HDAC2: variants seen among roughly 807,000 people sequenced by gnomAD.
The protein encoded by HDAC2 is YY1-associated factor 1.
HDAC2 carries 5 observed loss-of-function variants against 68.5 expected under a neutral mutation model. The ratio of observed to expected loss-of-function variants is 0.07; its 90% CI spans 0.04 to 0.15. HDAC2 has a LOEUF of 0.15. Ranked by LOEUF, HDAC2 falls within the 10% of genes least tolerant of loss-of-function variation. The pLI is 1.00. For synonymous variants in HDAC2, 182 were observed against 191.3 expected, an observed-to-expected ratio of 0.95 and a Z score of 0.40; for missense variants, 291 against 600.8, an observed-to-expected ratio of 0.48 and a Z score of 5.39.
intron 1 of HDAC2, among the ~76,000 whole-genome samples, chr6:113,965,622 C>T (rs776253516): frequency 1.2e-4 from 18 of 152,202 alleles, no homozygotes; most frequent in African/African-American, 3.9e-4. Flanking sequence ...CTGCCCGCCT[C>T]GGCTTCCCAA....
At chr6:113,955,959 G>A in intron 5 of HDAC2, 54 bp downstream of exon 5, 2 of 1,340,896 alleles carry the variant, frequency 1.5e-6, no homozygotes, top group Non-Finnish European at 1.0e-6. Flanking sequence ...TATTTATTGT[G>A]TTTTAATGAA....
Position 113,937,486 on chromosome 6 carries a change from A to G in HDAC2, c.*3572T>C, listed in dbSNP as rs533555080. 6.6e-6 allele frequency: 1 copy of G among 152,364 alleles called. No homozygotes were observed. The highest frequency in any genetic ancestry group is 1.9e-4 in the East Asian group (1 of 5,180). The allele number at this position is 152,364 out of a possible 1,614,324, so 9.4% of individuals were successfully genotyped here. Reference sequence around the variant, plus strand: ...ATGTGGCACCTTCATTAAATGAATTAAAGAGCTTTACTTGAGTTAATATCT... The same window carrying G: ...ATGTGGCACCTTCATTAAATGAATTGAAGAGCTTTACTTGAGTTAATATCT... On this transcript the variant is annotated 3_prime_UTR_variant, in exon 14 of 14. Coordinates refer to ENST00000519065, the MANE Select transcript of HDAC2 (RefSeq NM_001527.4).
intron 6 of HDAC2, among the ~76,000 whole-genome samples, chr6:113,951,094 C>T (rs556044936): frequency 1.3e-5 from 2 of 152,356 alleles, no homozygotes; most frequent in African/African-American, 4.8e-5. Flanking sequence ...CAGCACTTCT[C>T]ATCCTAACTG....
rs1276678273 is a variant in HDAC2, at chr6:113,933,436, G to A, written c.*7622C>T. On this transcript the variant is annotated 3_prime_UTR_variant, in exon 14 of 14. Transcript: ENST00000519065. ...TAGGATTCAGTTATTCTGACTCCTG[G>A]ACCTGAGATTCGATCCTATCCCATC... The A allele has an allele frequency of 6.6e-6, 1 of 151,916 alleles. No individual in the cohort carries two copies. The highest frequency in any genetic ancestry group is 2.4e-5 in the African/African-American group (1 of 41,352). 9.4% of individuals were successfully genotyped at this position (151,916 alleles called of 1,614,324 possible). A position where few individuals can be genotyped will look rare whatever the true frequency, so the allele number is the denominator to read the frequency against.
At chr6:113,950,243 A>G (rs986850606) in intron 6 of HDAC2, among the ~76,000 whole-genome samples, 3 of 152,144 alleles carry the variant, frequency 2.0e-5, no homozygotes, top group Admixed American at 6.5e-5. Context: ...ACTTATTTGT[A>G]TATGTTATGC....
At chr6:113,960,832 A>C (rs762209294) in intron 1 of HDAC2, among the ~76,000 whole-genome samples, 6 of 152,102 alleles carry the variant, frequency 3.9e-5, no homozygotes, top group Admixed American at 6.5e-5. Context: ...CTGTGGATTC[A>C]ATCAACTGCA....
Position 113,944,297 on chromosome 6 carries a change from G to C in HDAC2, c.1205C>G (p.Pro402Arg). The change falls in exon 11 of 14, where the codon CCA becomes CGA. Residue 402 changes from proline (P) to arginine (R), a missense_variant. This residue lies in a region of HDAC2 where 137 missense variants were observed against 128.7 expected (regional missense o/e 1.06). Coordinates refer to ENST00000519065, the MANE Select transcript of HDAC2 (RefSeq NM_001527.4). Reference sequence around the variant, plus strand: ...TATCTTACTAGAAATTCTCTTGTCTGGATCTTCTCCATCTTCATCTCCACT... The same window carrying C: ...TATCTTACTAGAAATTCTCTTGTCTCGATCTTCTCCATCTTCATCTCCACT... ...EDSGDEDGED[P>R]DKRISIRASD... 1.2e-6 allele frequency: 2 copies of C among 1,611,764 alleles called. No individual in the cohort carries two copies. Among genetic ancestry groups the C allele is most frequent in the Non-Finnish European group, 1.7e-6 (2 of 1,178,044 alleles).
In HDAC2 at chr6:113,944,300, T is replaced by C; in HGVS notation, c.1202A>G (p.Asp401Gly). 1 of 1,612,332 alleles carries C rather than the reference T, an allele frequency of 6.2e-7. No homozygotes were observed. The highest frequency in any genetic ancestry group is 8.5e-7 in the Non-Finnish European group (1 of 1,178,452). ...HEDSGDEDGEDPDKRISIRAS... is the reference protein window; with the variant it reads ...HEDSGDEDGEGPDKRISIRAS... ...CTTACTAGAAATTCTCTTGTCTGGATCTTCTCCATCTTCATCTCCACTGTC... is the reference window on the plus strand; with the variant it reads ...CTTACTAGAAATTCTCTTGTCTGGACCTTCTCCATCTTCATCTCCACTGTC... The change falls in exon 11 of 14, where the codon GAT becomes GGT. Residue 401 changes from aspartate to glycine, a missense_variant. Coordinates refer to ENST00000519065, the MANE Select transcript of HDAC2 (RefSeq NM_001527.4).
At chr6:113,961,054 AG>A (rs879344245) in intron 1 of HDAC2, among the ~76,000 whole-genome samples, 5 of 152,254 alleles carry the variant, frequency 3.3e-5, no homozygotes, top group African/African-American at 1.2e-4. Context: ...AGTTTATTGA[AG>A]GAACTTAAAC....
In HDAC2 at chr6:113,943,389, A is replaced by G. The variant is rs377062530; in HGVS notation, c.1340T>C (p.Ile447Thr). The change falls in exon 12 of 14, where the codon ATT (isoleucine) becomes ACT (threonine). Residue 447 changes from isoleucine (I) to threonine (T), a missense_variant. This residue lies in a region of HDAC2 where 137 missense variants were observed against 128.7 expected (regional missense o/e 1.06). Coordinates refer to ENST00000519065, the MANE Select transcript of HDAC2 (RefSeq NM_001527.4). ...CTCTGTTTCTTTCTTATCTTCTTCA[A>G]TTCTAGCTTTCTTTGCTCCTTTCTT... ...DHKKGAKKAR[I>T]EEDKKETEDK... The G allele has an allele frequency of 2.5e-6, 4 of 1,610,376 alleles. No individual in the cohort carries two copies. Among genetic ancestry groups the G allele is most frequent in the Non-Finnish European group, 2.5e-6 (3 of 1,178,954 alleles).
In HDAC2 at chr6:113,956,284, A is replaced by G. The variant is rs1224224693; in HGVS notation, c.359-133T>C. The G allele has an allele frequency of 4.1e-6, 3 of 730,638 alleles. No individual in the cohort carries two copies. In the Admixed American group the frequency reaches 8.5e-5, roughly 21 times the overall value. 45.3% of individuals were successfully genotyped at this position (730,638 alleles called of 1,614,324 possible). ...TCATGAAAGTTAACAGAAATCATCT[A>G]TAACACAAATAGGAGTTACTCCTTA... On this transcript the variant is annotated intron_variant, in intron 4 of 13. Coordinates refer to ENST00000519065, the MANE Select transcript of HDAC2 (RefSeq NM_001527.4).
chr6:113,947,617 A>G (rs1776293948), intron 8 of HDAC2: 1 of 152,222 alleles, frequency 6.6e-6, no homozygotes, highest in South Asian at 2.1e-4. Flanking sequence ...TACACTTTTA[A>G]GAGTACATTA....
intron 6 of HDAC2, among the ~76,000 whole-genome samples, chr6:113,952,015 T>A (rs1166797603): frequency 6.6e-6 from 1 of 152,200 alleles, no homozygotes; most frequent in Non-Finnish European, 1.5e-5. Flanking sequence ...CAGAGAAGAC[T>A]TTTGCTTGAC....
At chr6:113,946,527 TTTA>T (rs1776267433) in intron 8 of HDAC2, 1 of 154,754 alleles carries the variant, frequency 6.5e-6, no homozygotes, top group African/African-American at 2.4e-5. Context: ...TAAATTAATT[TTTA>T]TTGACTTTTC....
chr6:113,948,639 T>C (rs1213408433), intron 8 of HDAC2: 1 of 203,352 alleles, frequency 4.9e-6, no homozygotes, highest in East Asian at 1.3e-4. Context: ...TGAGGAGAGC[T>C]AAACCCTCTT....
At chr6:113,948,720 A>C (rs1161571233) in intron 8 of HDAC2, 5 of 403,154 alleles carry the variant, frequency 1.2e-5, no homozygotes, top group Admixed American at 4.1e-5. Flanking sequence ...CTGAGTCAAC[A>C]ACCATTCAAA....
In HDAC2 at chr6:113,940,193, T is replaced by C. The variant is rs1776098942; in HGVS notation, c.*865A>G. On this transcript the variant is annotated 3_prime_UTR_variant, in exon 14 of 14. Coordinates refer to ENST00000519065, the MANE Select transcript of HDAC2 (RefSeq NM_001527.4). ...GGGCAGACACACAATAAGTAGTTGCTGAATGATAAATCAGTTGTGTTTATT... is the reference window on the plus strand; with the variant it reads ...GGGCAGACACACAATAAGTAGTTGCCGAATGATAAATCAGTTGTGTTTATT... The C allele has an allele frequency of 6.6e-6, 1 of 152,210 alleles. No homozygotes were observed. Among genetic ancestry groups the C allele is most frequent in the Admixed American group, 6.5e-5 (1 of 15,278 alleles). 9.4% of individuals were successfully genotyped at this position (152,210 alleles called of 1,614,324 possible). A position where few individuals can be genotyped will look rare whatever the true frequency, so the allele number is the denominator to read the frequency against.
chr6:113,943,404 G>C lies in HDAC2; in HGVS notation c.1325C>G (p.Ala442Gly). The C allele has an allele frequency of 6.2e-7, 1 of 1,608,570 alleles. No homozygotes were observed. The highest frequency in any genetic ancestry group is 8.5e-7 in the Non-Finnish European group (1 of 1,177,930). The stretch of plus-strand genomic sequence containing the variant: ...ATCTTCTTCAATTCTAGCTTTCTTT[G>C]CTCCTTTCTTATGATCAGCCACATT... ...RRNVADHKKG[A>G]KKARIEEDKK... Residue 442 changes from alanine (A) to glycine (G), a missense_variant, in exon 12 of 14, where the codon GCA (alanine) becomes GGA (glycine). Transcript: ENST00000519065.
intron 8 of HDAC2, chr6:113,948,699 T>C (rs1776323834): frequency 3.1e-6 from 1 of 326,918 alleles, no homozygotes; most frequent in African/African-American, 2.1e-5. Flanking sequence ...AGTATGCATG[T>C]TTTATTTACA....
Sources: allele counts gnomAD v4.1 joint callset (sites outside exome capture counted in the v4.1 genomes callset), GRCh38; gene constraint gnomAD v4.1.1; regional missense constraint gnomAD v4.1.1; transcripts MANE v1.5; gene names NCBI Gene and HGNC (gene_info 2026-07-23, HGNC 2026-07-21).